The following SCAND3 variants were observed in gnomAD, a reference collection of about 807,000 sequenced individuals.
The protein encoded by SCAND3 is SCAN domain-containing protein 3.
the SCAND3 span, chr6:28,575,834 C>T: frequency 6.2e-7 from 1 of 1,614,066 alleles, no homozygotes; most frequent in Non-Finnish European, 8.5e-7. This position sits in a 1 kb window ranked among gnomAD's most constrained non-coding sequence, Gnocchi z 4.2. Flanking sequence ...TCCCCATTTA[C>T]AGCCTCAATT....
the SCAND3 span, among the ~76,000 whole-genome samples, chr6:28,607,458 T>C: frequency 6.6e-6 from 1 of 152,130 alleles, no homozygotes; most frequent in Non-Finnish European, 1.5e-5. Flanking sequence ...TTTCATGCTA[T>C]GGTATTACTG....
At chr6:28,613,547 C>T in the SCAND3 span, among the ~76,000 whole-genome samples, 7 of 152,196 alleles carry the variant, frequency 4.6e-5, no homozygotes, top group Non-Finnish European at 8.8e-5. Flanking sequence ...TCCTCACTTC[C>T]TTCTCTCTGC....
the SCAND3 span, among the ~76,000 whole-genome samples, chr6:28,580,618 T>C: frequency 6.6e-6 from 1 of 152,370 alleles, no homozygotes; most frequent in Admixed American, 6.5e-5. Flanking sequence ...TCAATTTGTC[T>C]AAATCTTTGC....
chr6:28,602,680 T>C, the SCAND3 span, among the ~76,000 whole-genome samples: 1 of 152,230 alleles, frequency 6.6e-6, no homozygotes, highest in African/African-American at 2.4e-5. Context: ...ATAAATTCCA[T>C]TGACTTGGCT....
the SCAND3 span, chr6:28,572,752 A>G: frequency 6.2e-7 from 1 of 1,614,082 alleles, no homozygotes; most frequent in Non-Finnish European, 8.5e-7. This position sits in a 1 kb window ranked among gnomAD's most constrained non-coding sequence, Gnocchi z 4.1. Context: ...ATCAGCTTCC[A>G]TATTATCACA....
At chr6:28,585,009 T>G in the SCAND3 span, among the ~76,000 whole-genome samples, 1 of 152,234 alleles carries the variant, frequency 6.6e-6, no homozygotes, top group African/African-American at 2.4e-5. Flanking sequence ...ATCCACACAC[T>G]TAACAAATGC....
chr6:28,585,636 T>A, the SCAND3 span, among the ~76,000 whole-genome samples: 13 of 152,336 alleles, frequency 8.5e-5, no homozygotes, highest in East Asian at 2.5e-3. Context: ...TCAGACTGTA[T>A]ACATAAAGGG....
At chr6:28,609,983 TG>T in the SCAND3 span, among the ~76,000 whole-genome samples, 1 of 152,088 alleles carries the variant, frequency 6.6e-6, no homozygotes, top group Non-Finnish European at 1.5e-5. Flanking sequence ...CCCAGTGCTT[TG>T]GGAGGTGAGG....
At chr6:28,597,104 A>G in the SCAND3 span, among the ~76,000 whole-genome samples, 98 of 152,170 alleles carry the variant, frequency 6.4e-4, 3 homozygotes, top group Non-Finnish European at 3.4e-4. Flanking sequence ...AGTAAACACT[A>G]CCCAAATGTT....
chr6:28,609,648 G>A, the SCAND3 span, among the ~76,000 whole-genome samples: 1 of 152,148 alleles, frequency 6.6e-6, no homozygotes, highest in Admixed American at 6.5e-5. Context: ...ACTCTAGAAT[G>A]GTTGGATTAG....
chr6:28,584,967 C>T, the SCAND3 span, among the ~76,000 whole-genome samples: 2 of 152,230 alleles, frequency 1.3e-5, no homozygotes, highest in African/African-American at 4.8e-5. Flanking sequence ...CTGAGAAAGA[C>T]TGCATTGGAT....
At chr6:28,571,477 A>G in the SCAND3 span, 1 of 167,706 alleles carries the variant, frequency 6.0e-6, no homozygotes, top group South Asian at 1.7e-4. Context: ...TTCATACCCT[A>G]CTGACCTGTC....
chr6:28,595,796 C>T, the SCAND3 span, among the ~76,000 whole-genome samples: 1 of 152,090 alleles, frequency 6.6e-6, no homozygotes, highest in Admixed American at 6.6e-5. Flanking sequence ...CATGTACAAG[C>T]CTTAAGACCA....
chr6:28,586,683 G>GC, the SCAND3 span: 4 of 1,613,824 alleles, frequency 2.5e-6, no homozygotes, highest in African/African-American at 4.0e-5. The surrounding 1 kb of genome is among the most constrained non-coding windows in gnomAD (Gnocchi z 4.4). Flanking sequence ...AGCCTGGCCA[G>GC]CCAAGGCTGG....
At chr6:28,610,613 C>T in the SCAND3 span, among the ~76,000 whole-genome samples, 1 of 152,130 alleles carries the variant, frequency 6.6e-6, no homozygotes, top group Non-Finnish European at 1.5e-5. Flanking sequence ...CATCCACAAT[C>T]ACAAGTAGTT....
chr6:28,581,377 G>A, the SCAND3 span, among the ~76,000 whole-genome samples: 1 of 152,128 alleles, frequency 6.6e-6, no homozygotes, highest in African/African-American at 2.4e-5. Flanking sequence ...ACTTTTGGTT[G>A]TAATATGGTA....
the SCAND3 span, chr6:28,575,844 T>G: frequency 2.5e-6 from 4 of 1,614,096 alleles, no homozygotes; most frequent in Middle Eastern, 1.6e-4. The surrounding 1 kb of genome is among the most constrained non-coding windows in gnomAD (Gnocchi z 4.2). Flanking sequence ...CAGCCTCAAT[T>G]AGCTTCTCAT....
chr6:28,607,918 G>A, the SCAND3 span, among the ~76,000 whole-genome samples: 3 of 152,248 alleles, frequency 2.0e-5, no homozygotes, highest in African/African-American at 4.8e-5. Flanking sequence ...TTTGGGAAAA[G>A]GGCTTGTGGG....
At chr6:28,572,112 C>T in the SCAND3 span, 3 of 1,614,020 alleles carry the variant, frequency 1.9e-6, no homozygotes, top group Non-Finnish European at 2.5e-6. This position sits in a 1 kb window ranked among gnomAD's most constrained non-coding sequence, Gnocchi z 4.1. Context: ...TCTCAGCAAG[C>T]TCAGGATAGT....
Sources: gnomAD v4.1 joint callset for allele counts (sites outside exome capture counted in the v4.1 genomes callset) on GRCh38, gnomAD v4.1.1 for gene constraint, Gnocchi (gnomAD v3.1) non-coding constraint, MANE v1.5 for transcripts, NCBI Gene and HGNC (gene_info 2026-07-23, HGNC 2026-07-21) for gene names.